Variants in FAAH2 observed in about 807,000 individuals in gnomAD.
FAAH2 encodes fatty-acid amide hydrolase 2.
In FAAH2, 60 loss-of-function variants were observed where a neutral mutation model predicts 36.9. That is an observed-to-expected ratio of 1.63 (90% CI 1.32 to 2.02). The LOEUF is 2.02. Among genes scored for constraint, FAAH2 ranks in the 30% most tolerant of loss-of-function variants. The pLI is 0.00. For synonymous variants in FAAH2, 214 were observed against 143.8 expected, an observed-to-expected ratio of 1.49 and a Z score of -3.49; for missense variants, 689 against 397.5, an observed-to-expected ratio of 1.73 and a Z score of -6.23.
the FAAH2 span, among the ~76,000 whole-genome samples, chrX:57,253,762 A>AC: frequency 9.0e-6 from 1 of 111,617 alleles, no homozygotes; most frequent in Non-Finnish European, 1.9e-5. Flanking sequence ...GGAGCTCCTG[A>AC]AGGAAATACT....
At chrX:57,392,478 G>T in intron 7 of FAAH2, among the ~76,000 whole-genome samples, 1 of 111,681 alleles carries the variant, frequency 9.0e-6, no homozygotes, top group Non-Finnish European at 1.9e-5. Context: ...TACACGATGA[G>T]AATTAAGGCT....
intron 4 of FAAH2, among the ~76,000 whole-genome samples, chrX:57,339,144 A>G (rs1035000805): frequency 2.7e-5 from 3 of 111,792 alleles, no homozygotes; most frequent in Non-Finnish European, 5.6e-5. Context: ...TACAAACCTA[A>G]CAAAAACAAG....
chrX:57,280,728 T>C, the FAAH2 span, among the ~76,000 whole-genome samples: 1 of 111,428 alleles, frequency 9.0e-6, no homozygotes, highest in Non-Finnish European at 1.9e-5. Context: ...TTAGAGAAAT[T>C]AATACCTTTG....
intron 2 of FAAH2, among the ~76,000 whole-genome samples, chrX:57,299,951 A>C (rs926439287): frequency 1.8e-5 from 2 of 111,608 alleles, no homozygotes; most frequent in African/African-American, 6.5e-5. Flanking sequence ...TCAATGAAAT[A>C]AAAGAGGATA....
the FAAH2 span, chrX:57,127,023 A>G: frequency 1.8e-5 from 2 of 111,265 alleles, no homozygotes; most frequent in Non-Finnish European, 3.8e-5. Context: ...TGATCATACC[A>G]TCCCTGGAGT....
the FAAH2 span, among the ~76,000 whole-genome samples, chrX:57,213,854 G>A: frequency 6.3e-5 from 7 of 111,787 alleles, no homozygotes; most frequent in East Asian, 2.0e-3. Context: ...TTGGTCTATT[G>A]TGCAAACTAT....
chrX:57,243,241 G>T, the FAAH2 span, among the ~76,000 whole-genome samples: 1 of 112,182 alleles, frequency 8.9e-6, no homozygotes, highest in African/African-American at 3.2e-5. Context: ...AAGAAACACA[G>T]CAGCCCCAGT....
chrX:57,367,402 T>C (rs776162034), intron 5 of FAAH2, among the ~76,000 whole-genome samples: 4 of 112,436 alleles, frequency 3.6e-5, no homozygotes, highest in Non-Finnish European at 7.5e-5. Flanking sequence ...CTGCTAGTCA[T>C]TGTATTCTTT....
chrX:57,411,451 C>T (rs1012086772), intron 7 of FAAH2, among the ~76,000 whole-genome samples: 2 of 110,161 alleles, frequency 1.8e-5, no homozygotes, highest in South Asian at 4.1e-4. Flanking sequence ...ATGTTGGCTG[C>T]GTGTGGGGTC....
chrX:57,291,989 A>G, intron 1 of FAAH2, among the ~76,000 whole-genome samples: 1 of 111,228 alleles, frequency 9.0e-6, no homozygotes, highest in Non-Finnish European at 1.9e-5. Flanking sequence ...TACTTATATT[A>G]AAAATTACTC....
chrX:57,236,387 G>A, the FAAH2 span, among the ~76,000 whole-genome samples: 4 of 112,293 alleles, frequency 3.6e-5, no homozygotes, highest in East Asian at 1.1e-3. Context: ...TTATGTGGTG[G>A]TTTAATTTAA....
intron 7 of FAAH2, among the ~76,000 whole-genome samples, chrX:57,405,243 G>A (rs751114172): frequency 1.2e-4 from 13 of 111,213 alleles, no homozygotes; most frequent in African/African-American, 3.9e-4. Flanking sequence ...AGATGGTGGC[G>A]GGCCACTTCA....
At chrX:57,290,775 A>C (rs1203734899) in intron 1 of FAAH2, among the ~76,000 whole-genome samples, 1 of 111,306 alleles carries the variant, frequency 9.0e-6, no homozygotes, top group Non-Finnish European at 1.9e-5. Context: ...CTTACTTTTT[A>C]TAAATAAAAG....
chrX:57,258,565 C>A, the FAAH2 span, among the ~76,000 whole-genome samples: 11 of 110,671 alleles, frequency 9.9e-5, no homozygotes, highest in South Asian at 3.7e-4. Context: ...GGTTAATATT[C>A]AAAAAATATG....
At chrX:57,337,912 G>A (rs2053594092) in intron 4 of FAAH2, among the ~76,000 whole-genome samples, 2 of 111,616 alleles carry the variant, frequency 1.8e-5, no homozygotes, top group Non-Finnish European at 3.8e-5. Context: ...CAGACAATTA[G>A]GCAAGAAAAA....
the FAAH2 span, among the ~76,000 whole-genome samples, chrX:57,233,070 G>A: frequency 1.8e-3 from 203 of 112,351 alleles, no homozygotes; most frequent in Non-Finnish European, 3.2e-3. Context: ...CTGCTCATGA[G>A]ATATAGGAAT....
rs181751361 is a variant in FAAH2, at chrX:57,436,409, G to A, written c.1116+4372G>A. Among the ~76,000 whole-genome samples the A allele has an allele frequency of 2.7e-5, 3 of 109,513 alleles. No individual in the cohort carries two copies. In the Admixed American group the frequency reaches 2.9e-4, roughly 11 times the overall value. On this transcript the variant is annotated intron_variant, in intron 8 of 10. Coordinates refer to ENST00000374900, the MANE Select transcript of FAAH2 (RefSeq NM_174912.4). ...GTAAAATAGAGACCAAAAAGGAAAGGTAGAAGTACAAAGGGTCACTGAAAC... is the reference window on the plus strand; with the variant it reads ...GTAAAATAGAGACCAAAAAGGAAAGATAGAAGTACAAAGGGTCACTGAAAC...
Position 57,488,804 on chromosome X carries a change from C to G in FAAH2, c.1471C>G (p.Leu491Val), listed in dbSNP as rs1170534658. 2.4e-5 allele frequency: 29 copies of G among 1,209,395 alleles called. No homozygotes were observed. The highest frequency in any genetic ancestry group is 2.9e-5 in the Non-Finnish European group (26 of 895,069). Reference protein sequence around the residue: ...GLPVTQCPLGLNAKGLPLGIQ... With the variant: ...GLPVTQCPLGVNAKGLPLGIQ... ...GCCTGTGACCCAATGCCCACTGGGA[C>G]TGAATGCCAAAGGACTCCCTTTAGG... The change falls in exon 11 of 11, where the codon CTG becomes GTG. Residue 491 changes from leucine (L) to valine (V), a missense_variant. By Grantham distance (32) the Leu-to-Val change is conservative. Transcript: ENST00000374900.
At chrX:57,486,201 T>G (rs1368577619) in intron 10 of FAAH2, among the ~76,000 whole-genome samples, 1 of 111,956 alleles carries the variant, frequency 8.9e-6, no homozygotes, top group Non-Finnish European at 1.9e-5. Context: ...CGAGGAGGTC[T>G]CTGGGGTTAC....
Sources: gnomAD v4.1 joint callset for allele counts (sites outside exome capture counted in the v4.1 genomes callset) on GRCh38, gnomAD v4.1.1 for gene constraint, MANE v1.5 for transcripts, NCBI Gene and HGNC (gene_info 2026-07-23, HGNC 2026-07-21) for gene names.